NAALADL2: variants seen among roughly 807,000 people sequenced by gnomAD.
NAALADL2 encodes the protein inactive N-acetylated-alpha-linked acidic dipeptidase-like protein 2.
A neutral mutation model predicts 87.2 loss-of-function variants in NAALADL2; 76 were observed. That is an observed-to-expected ratio of 0.87 (90% CI 0.72 to 1.05). The LOEUF (loss-of-function observed/expected upper bound fraction) is 1.05, where lower values mean the gene tolerates loss of function less well. NAALADL2 is among the 50% of genes least tolerant of loss of function. The pLI is 0.00. For missense variants in NAALADL2, 1,089 were observed against 945.8 expected, an observed-to-expected ratio of 1.15 and a Z score of -1.99; for synonymous variants, 354 against 331.0, an observed-to-expected ratio of 1.07 and a Z score of -0.75.
chr3:175,309,910 C>T (rs181017937), intron 4 of NAALADL2, among the ~76,000 whole-genome samples: 88 of 152,262 alleles, frequency 5.8e-4, no homozygotes, highest in Admixed American at 1.3e-3. Context: ...GTGTCATGCC[C>T]AGCATGTCTC....
intron 11 of NAALADL2, among the ~76,000 whole-genome samples, chr3:175,673,645 C>T (rs1302051394): frequency 1.3e-5 from 2 of 151,862 alleles, no homozygotes; most frequent in East Asian, 3.9e-4. Flanking sequence ...AAGTTACTGA[C>T]AAGAAAACTG....
At chr3:174,923,511 A>G (rs923524086) in intron 1 of NAALADL2, among the ~76,000 whole-genome samples, 1 of 152,210 alleles carries the variant, frequency 6.6e-6, no homozygotes, top group Non-Finnish European at 1.5e-5. Context: ...AATGAATTTT[A>G]TCCACTGATG....
At chr3:175,272,825 C>T (rs1401423916) in intron 4 of NAALADL2, among the ~76,000 whole-genome samples, 1 of 151,896 alleles carries the variant, frequency 6.6e-6, no homozygotes, top group African/African-American at 2.4e-5. Flanking sequence ...ATTTATCTGA[C>T]TTAAGGTAAG....
chr3:175,619,273 G>GGAAGGAAGGAAGGAAGGA (rs1553933972), intron 10 of NAALADL2, among the ~76,000 whole-genome samples: 2 of 133,218 alleles, frequency 1.5e-5, no homozygotes, highest in African/African-American at 5.9e-5. Flanking sequence ...GGAAGGAGAA[G>GGAAGGAAGGAAGGAAGGA]GAAAGAAAGA....
At chr3:175,362,438 T>G (rs1765131480) in intron 5 of NAALADL2, among the ~76,000 whole-genome samples, 1 of 148,182 alleles carries the variant, frequency 6.7e-6, no homozygotes, top group South Asian at 2.2e-4. Flanking sequence ...TGGCATTGAA[T>G]CTATAAATTA....
chr3:174,838,030 A>C (rs1315535098), intron 3 of NAALADL2, among the ~76,000 whole-genome samples: 5 of 136,526 alleles, frequency 3.7e-5, no homozygotes, highest in Non-Finnish European at 7.9e-5. Context: ...AGAAAAAAAA[A>C]AAAAAAGAAA....
At chr3:175,244,415 G>A (rs553924277) in intron 3 of NAALADL2, among the ~76,000 whole-genome samples, 1 of 151,622 alleles carries the variant, frequency 6.6e-6, no homozygotes, top group African/African-American at 2.4e-5. Context: ...AACCAAATGG[G>A]TTCAAATAGT....
At chr3:175,067,546 C>T (rs1249500753) in intron 1 of NAALADL2, among the ~76,000 whole-genome samples, 3 of 152,050 alleles carry the variant, frequency 2.0e-5, no homozygotes, top group African/African-American at 7.2e-5. Context: ...AATAAGATAC[C>T]ATCTCACACT....
chr3:174,648,716 G>T (rs564537114), intron 2 of NAALADL2, among the ~76,000 whole-genome samples: 9 of 151,942 alleles, frequency 5.9e-5, no homozygotes, highest in East Asian at 1.9e-4. Flanking sequence ...ATTACTTGAT[G>T]CCACAAAGAG....
chr3:175,718,348 G>T lies in NAALADL2; in HGVS notation c.1897-18958G>T, dbSNP rs1242780141. ...CTATATGAATTCTGCCATTTTGCTA[G>T]CACTGATATGCTCTTGGGTCCACCA... On this transcript the variant is annotated intron_variant, in intron 11 of 13. Transcript: ENST00000454872. The T allele has an allele frequency of 5.6e-6, 9 of 1,602,482 alleles. 1 individual carries two copies. In the South Asian group the frequency reaches 8.8e-5, roughly 16 times the overall value.
At chr3:174,706,843 C>T (rs142591606) in intron 2 of NAALADL2, among the ~76,000 whole-genome samples, 12,061 of 152,146 alleles carry the variant, frequency 0.079, 505 homozygotes, top group Middle Eastern at 0.13. Context: ...CCAGTTTCAG[C>T]TTTCTACATA....
chr3:175,787,132 A>G (rs867512950), intron 13 of NAALADL2, among the ~76,000 whole-genome samples: 71 of 152,276 alleles, frequency 4.7e-4, no homozygotes, highest in African/African-American at 1.6e-3. Flanking sequence ...AGACAGGGAC[A>G]TTTAAGTCTG....
At chr3:175,591,479 A>G (rs928913869) in intron 10 of NAALADL2, among the ~76,000 whole-genome samples, 1 of 152,096 alleles carries the variant, frequency 6.6e-6, no homozygotes, top group African/African-American at 2.4e-5. Flanking sequence ...GTTAATCATC[A>G]TCCCAATTAG....
chr3:175,093,263 T>A (rs1158645950), intron 1 of NAALADL2, among the ~76,000 whole-genome samples: 2 of 151,476 alleles, frequency 1.3e-5, no homozygotes, highest in South Asian at 2.1e-4. Context: ...AAAAGAAACG[T>A]GATATGTTTT....
intron 2 of NAALADL2, among the ~76,000 whole-genome samples, chr3:175,175,176 T>C (rs1330777114): frequency 6.6e-6 from 1 of 152,110 alleles, no homozygotes; most frequent in African/African-American, 2.4e-5. Context: ...AAATAATCAA[T>C]TACCCTTTTT....
chr3:175,313,758 T>C (rs917889606), intron 4 of NAALADL2, among the ~76,000 whole-genome samples: 8 of 151,824 alleles, frequency 5.3e-5, no homozygotes, highest in African/African-American at 1.7e-4. Flanking sequence ...AGAAGAGAAG[T>C]TGGATAGCAG....
intron 11 of NAALADL2, among the ~76,000 whole-genome samples, chr3:175,636,436 C>T (rs11920569): frequency 0.26 from 39,457 of 151,916 alleles, 5,798 homozygotes; most frequent in African/African-American, 0.41. Context: ...CGGTGGCTCA[C>T]GCTTGTAATC....
chr3:174,603,376 T>G (rs919477961), intron 2 of NAALADL2, among the ~76,000 whole-genome samples: 1 of 151,984 alleles, frequency 6.6e-6, no homozygotes, highest in Non-Finnish European at 1.5e-5. Flanking sequence ...TTTCTGTATA[T>G]TTTTCAATTT....
At chr3:175,472,506 C>T (rs1285958042) in intron 9 of NAALADL2, among the ~76,000 whole-genome samples, 1 of 152,086 alleles carries the variant, frequency 6.6e-6, no homozygotes, top group Admixed American at 6.5e-5. Context: ...CTCTTAGCCT[C>T]AATGTCTGTT....
Sources: allele counts gnomAD v4.1 joint callset (sites outside exome capture counted in the v4.1 genomes callset), GRCh38; gene constraint gnomAD v4.1.1; transcripts MANE v1.5; gene names NCBI Gene and HGNC (gene_info 2026-07-23, HGNC 2026-07-21).